The following RAB4A variants were observed in gnomAD, a reference collection of about 807,000 sequenced individuals.
The protein encoded by RAB4A is ras-related protein Rab-4A.
RAB4A carries 20 observed loss-of-function variants against 34.5 expected under a neutral mutation model. The ratio of observed to expected loss-of-function variants is 0.58; its 90% CI spans 0.41 to 0.84. RAB4A has a LOEUF of 0.84. Ranked by LOEUF, RAB4A falls within the 40% of genes least tolerant of loss-of-function variation. The probability of loss-of-function intolerance (pLI) is 0.00; values close to 1 mark genes in which losing one functional copy is unlikely to be tolerated. For synonymous variants in RAB4A, 102 were observed against 100.0 expected (o/e 1.02, Z -0.12); for missense variants, 228 against 274.5 (o/e 0.83, Z 1.20).
At chr1:229,292,770 A>T (rs939308676) in intron 3 of RAB4A, among the ~76,000 whole-genome samples, 1 of 152,090 alleles carries the variant, frequency 6.6e-6, no homozygotes, top group East Asian at 1.9e-4. Context: ...AGGATAGTTC[A>T]TTCCTCTGGT....
In RAB4A at chr1:229,297,754, GA is replaced by G. The variant is rs1657285924; in HGVS notation, c.445+120del. On this transcript the variant is annotated intron_variant, in intron 5 of 7. Coordinates refer to ENST00000366690, the MANE Select transcript of RAB4A (RefSeq NM_004578.4). ...GATTAAACTAGATTTAGGAAATGTGGAATTTCCAATTGTTTTTTTCTATAAA... is the reference window on the plus strand; with the variant it reads ...GATTAAACTAGATTTAGGAAATGTGGATTTCCAATTGTTTTTTTCTATAAA... 2.6e-6 allele frequency: 3 copies of G among 1,152,994 alleles called. No individual in the cohort carries two copies. In the East Asian group the frequency reaches 7.8e-5, roughly 30 times the overall value. The allele number at this position is 1,152,994 out of a possible 1,614,324, so 71.4% of individuals were successfully genotyped here. A position where few individuals can be genotyped will look rare whatever the true frequency, so the allele number is the denominator to read the frequency against.
In RAB4A at chr1:229,305,089, T is replaced by C; in HGVS notation, c.*1296T>C. The C allele has an allele frequency of 6.8e-7, 1 of 1,480,164 alleles. No homozygotes were observed. The highest frequency in any genetic ancestry group is 9.0e-7 in the Non-Finnish European group (1 of 1,116,798). 91.7% of individuals were successfully genotyped at this position (1,480,164 alleles called of 1,614,324 possible). A position where few individuals can be genotyped will look rare whatever the true frequency, so the allele number is the denominator to read the frequency against. On this transcript the variant is annotated 3_prime_UTR_variant, in exon 8 of 8. Transcript: ENST00000366690. ...TAGAAGATGCCTACTGCTTTTGTTG[T>C]TTATTTTAATCAGCAGAGCACAGAG...
intron 2 of RAB4A, among the ~76,000 whole-genome samples, chr1:229,288,016 A>G (rs76997581): frequency 0.068 from 10,348 of 152,226 alleles, 459 homozygotes; most frequent in Non-Finnish European, 0.1. Context: ...TGCCCATTCA[A>G]ATAGTACTAA....
intron 3 of RAB4A, among the ~76,000 whole-genome samples, chr1:229,290,725 A>C (rs1657048210): frequency 6.6e-6 from 1 of 152,220 alleles, no homozygotes; most frequent in African/African-American, 2.4e-5. Context: ...ATTGCATTGG[A>C]GTATGTAATA....
At chr1:229,271,489 G>T in intron 1 of RAB4A, 119 bp downstream of exon 1, 6 of 862,988 alleles carry the variant, frequency 7.0e-6, no homozygotes, top group Non-Finnish European at 8.8e-6. Context: ...GGAGCCGGGG[G>T]ACGGATCTCG....
Position 229,275,987 on chromosome 1 carries a change from A to G in RAB4A, c.31+4617A>G, listed in dbSNP as rs373492716. Among the ~76,000 whole-genome samples the G allele has an allele frequency of 5.9e-5, 9 of 151,400 alleles. No individual in the cohort carries two copies. The East Asian group carries it at 1.3e-3, about 23-fold the overall frequency. On this transcript the variant is annotated intron_variant, in intron 1 of 7. Transcript: ENST00000366690. ...GTATGAAATAACTTGCTCTTAGGGA[A>G]ATCACCCCAATTGCCCTTTACCTTA...
At position 229,305,005 on chromosome 1, in the gene RAB4A, C is replaced by G; in HGVS notation, c.*1212C>G. ...TGAAAGGTTAAAAAGCTTTCTTCACCTTATATATGTTCTTCCACTGTGACT... is the reference window on the plus strand; with the variant it reads ...TGAAAGGTTAAAAAGCTTTCTTCACGTTATATATGTTCTTCCACTGTGACT... On this transcript the variant is annotated 3_prime_UTR_variant, in exon 8 of 8. Coordinates refer to ENST00000366690, the MANE Select transcript of RAB4A (RefSeq NM_004578.4). The G allele has an allele frequency of 9.2e-7, 1 of 1,081,434 alleles. No homozygotes were observed. The highest frequency in any genetic ancestry group is 1.2e-6 in the Non-Finnish European group (1 of 808,612). The allele number at this position is 1,081,434 out of a possible 1,614,324, so 67.0% of individuals were successfully genotyped here. A position where few individuals can be genotyped will look rare whatever the true frequency, so the allele number is the denominator to read the frequency against.
chr1:229,274,993 G>T (rs370476294), intron 1 of RAB4A, among the ~76,000 whole-genome samples: 1 of 152,092 alleles, frequency 6.6e-6, no homozygotes, highest in African/African-American at 2.4e-5. Flanking sequence ...TACAGTATTT[G>T]CCATATAATT....
rs143112983 is a variant in RAB4A, at chr1:229,301,080, AGTG to A, written c.542-1781_542-1779del. Among the ~76,000 whole-genome samples the A allele has an allele frequency of 8.3e-3, 1,260 of 152,300 alleles. 9 individuals are homozygous for A. Among genetic ancestry groups the A allele is most frequent in the Non-Finnish European group, 0.013 (909 of 68,024 alleles). ...ACATTGGGATGGGGAATAGAAAGTC[AGTG>A]ATCATTTTGATCAAGAACAATTTCA... On this transcript the variant is annotated intron_variant, in intron 6 of 7. Coordinates refer to ENST00000366690, the MANE Select transcript of RAB4A (RefSeq NM_004578.4).
chr1:229,301,176 T>G (rs12084468), intron 6 of RAB4A, among the ~76,000 whole-genome samples: 29,186 of 151,876 alleles, frequency 0.19, 2,819 homozygotes, highest in African/African-American at 0.21. Context: ...GCAAGCAGAG[T>G]GTCCACTCCT....
At chr1:229,284,543 T>G (rs929542922) in intron 1 of RAB4A, among the ~76,000 whole-genome samples, 1 of 152,336 alleles carries the variant, frequency 6.6e-6, no homozygotes, top group Admixed American at 6.5e-5. Context: ...TTGTTGCCCC[T>G]CTTCTCAGCC....
At chr1:229,284,474 A>T (rs1656871814) in intron 1 of RAB4A, among the ~76,000 whole-genome samples, 2 of 152,162 alleles carry the variant, frequency 1.3e-5, no homozygotes, top group Non-Finnish European at 1.5e-5. Flanking sequence ...TGGAAGTGGA[A>T]GTCCACCTGG....
intron 2 of RAB4A, among the ~76,000 whole-genome samples, chr1:229,288,152 GTTGGAGGGTGTTTTATTTTGGGGTTTT>G (rs1656974216): frequency 6.6e-6 from 1 of 152,082 alleles, no homozygotes; most frequent in Non-Finnish European, 1.5e-5. Context: ...TTTGGGGTTT[GTTGGAGGGTGTTTTATTTTGGGGTTTT>G]TTGGAGGGTG....
chr1:229,272,590 A>G (rs562328254), intron 1 of RAB4A, among the ~76,000 whole-genome samples: 1 of 152,332 alleles, frequency 6.6e-6, no homozygotes, highest in East Asian at 1.9e-4. Flanking sequence ...TGACCCAGAC[A>G]GGGGTGTCAG....
intron 1 of RAB4A, among the ~76,000 whole-genome samples, chr1:229,283,483 C>T (rs1656829475): frequency 6.6e-6 from 1 of 152,248 alleles, no homozygotes; most frequent in South Asian, 2.1e-4. Context: ...TAAGAGTTTT[C>T]CTCTCTCTTG....
chr1:229,302,280 TATATATATATATATATATATATATA>T (rs1657412019), intron 6 of RAB4A, among the ~76,000 whole-genome samples: 4 of 19,818 alleles, frequency 2.0e-4, no homozygotes, highest in African/African-American at 6.6e-4. Flanking sequence ...TATATATATA[TATATATATATATATATATATATATA>T]TATATTTTTT....
In RAB4A at chr1:229,302,286, TATATATATATATA is replaced by T. The variant is rs1657415913; in HGVS notation, c.542-575_542-563del. ...ATATATATATATATATATATATATA[TATATATATATATA>T]TATATATATATTTTTTTTTTTTTTT... On this transcript the variant is annotated intron_variant, in intron 6 of 7. Coordinates refer to ENST00000366690, the MANE Select transcript of RAB4A (RefSeq NM_004578.4). 1.2e-3 allele frequency among the ~76,000 whole-genome samples: 27 copies of T among 22,540 alleles called. 2 individuals carry two copies. The highest frequency in any genetic ancestry group is 4.9e-3 in the African/African-American group (25 of 5,072). The allele number at this position is 22,540 out of a possible 152,430, so 14.8% of individuals were successfully genotyped here.
intron 1 of RAB4A, among the ~76,000 whole-genome samples, chr1:229,273,579 A>C (rs1656560355): frequency 6.6e-6 from 1 of 152,182 alleles, no homozygotes; most frequent in African/African-American, 2.4e-5. Flanking sequence ...AGCCCTATTA[A>C]AAATACAAAA....
At chr1:229,298,696 G>C (rs1238312595) in intron 5 of RAB4A, among the ~76,000 whole-genome samples, 1 of 152,236 alleles carries the variant, frequency 6.6e-6, no homozygotes, top group African/African-American at 2.4e-5. Context: ...TTTCTGATGG[G>C]CTGTCATTTG....
Sources: allele counts gnomAD v4.1 joint callset (sites outside exome capture counted in the v4.1 genomes callset), GRCh38; gene constraint gnomAD v4.1.1; transcripts MANE v1.5; gene names NCBI Gene and HGNC (gene_info 2026-07-23, HGNC 2026-07-21).